The following FAT2 variants were observed in gnomAD, a reference collection of about 807,000 sequenced individuals.
FAT2 encodes the protein FAT atypical cadherin 2, also known as protocadherin Fat 2.
Under a neutral mutation model 295.3 loss-of-function variants are expected in FAT2, and 150 were observed. The ratio of observed to expected loss-of-function variants is 0.51; its 90% confidence interval spans 0.44 to 0.58. The LOEUF is 0.58. Among genes scored for constraint, FAT2 ranks in the 20% least tolerant of loss-of-function variants. The pLI is 0.00. For synonymous variants in FAT2, 2,026 were observed against 2,150.3 expected (o/e 0.94, Z 1.60); for missense variants, 4,868 against 5,442.7 (o/e 0.89, Z 3.32).
chr5:151,545,059 G>T lies in FAT2; in HGVS notation c.6068C>A (p.Thr2023Lys), dbSNP rs772910977. Residue 2023 changes from threonine to lysine, a missense_variant, in exon 10 of 24, where the codon ACA becomes AAA. Thr to Lys is a moderately conservative substitution (Grantham distance 78). Transcript: ENST00000261800. ...CTCCCGGTCAAACGCCACACCTCTT[G>T]TCTGCAACACACCTGCTGACTGGAC... ...HMVQSAGVLQ[T>K]RGVAFDREQQ... The T allele has an allele frequency of 3.1e-6, 5 of 1,614,032 alleles. No homozygotes were observed. The highest frequency in any genetic ancestry group is 1.7e-5 in the Admixed American group (1 of 59,988).
Position 151,522,082 on chromosome 5 carries a change from G to A in FAT2, c.10511C>T (p.Ser3504Leu), listed in dbSNP as rs371488085. Reference sequence around the variant, plus strand: ...CGAGAGGGGAGGGATGCCACTGTCTGACGCCTGTGGGCAAAACAAACACTG... The same window carrying A: ...CGAGAGGGGAGGGATGCCACTGTCTAACGCCTGTGGGCAAAACAAACACTG... ...QEWYQLQIQA[S>L]DSGIPPLSSL... Residue 3504 changes from serine to leucine, a missense_variant, in exon 19 of 24, where the codon TCA becomes TTA. Transcript: ENST00000261800. The A allele has an allele frequency of 6.3e-7, 1 of 1,582,764 alleles. No individual in the cohort carries two copies. Among genetic ancestry groups the A allele is most frequent in the African/African-American group, 1.3e-5 (1 of 74,424 alleles).
chr5:151,538,554 T>C (rs1055638890), intron 11 of FAT2, among the ~76,000 whole-genome samples: 2 of 152,216 alleles, frequency 1.3e-5, no homozygotes, highest in African/African-American at 4.8e-5. Flanking sequence ...TGGAGCTCCC[T>C]GAGAATTCAA....
intron 18 of FAT2, among the ~76,000 whole-genome samples, chr5:151,523,489 A>C (rs1219239762): frequency 6.6e-6 from 1 of 152,196 alleles, no homozygotes; most frequent in Non-Finnish European, 1.5e-5. Flanking sequence ...GCCTGAGCAG[A>C]ATCTGAATAC....
At chr5:151,559,510 CCCTT>C (rs1212186500) in intron 3 of FAT2, among the ~76,000 whole-genome samples, 2 of 151,954 alleles carry the variant, frequency 1.3e-5, no homozygotes, top group Non-Finnish European at 1.5e-5. Context: ...CTGGCTCCAT[CCCTT>C]CCTTTCCTCC....
chr5:151,531,304 G>A lies in FAT2; in HGVS notation c.9811+283C>T, dbSNP rs1330770344. On this transcript the variant is annotated intron_variant, in intron 14 of 23. Transcript: ENST00000261800. This position sits in a 1 kb window ranked among gnomAD's most constrained non-coding sequence, Gnocchi z 5.7. ...GGGCCTGAGCTGAGACCATGAAGCC[G>A]CTAACTGTGTGGGAGGAGAGTGGAT... 1.3e-5 allele frequency among the ~76,000 whole-genome samples: 2 copies of A among 152,196 alleles called. No individual in the cohort carries two copies. The highest frequency in any genetic ancestry group is 1.9e-4 in the East Asian group (1 of 5,192).
intron 1 of FAT2, among the ~76,000 whole-genome samples, chr5:151,590,816 C>T (rs1759369332): frequency 1.3e-5 from 2 of 152,240 alleles, no homozygotes; most frequent in Admixed American, 1.3e-4. Flanking sequence ...AAAGGCTCAT[C>T]TCCAGAAAGC....
At chr5:151,550,037 C>T (rs1405207747) in intron 8 of FAT2, among the ~76,000 whole-genome samples, 1 of 152,154 alleles carries the variant, frequency 6.6e-6, no homozygotes, top group Non-Finnish European at 1.5e-5. Flanking sequence ...GTGAGGAAGT[C>T]TGTCTTTCTC....
chr5:151,577,224 A>G (rs1541909), intron 1 of FAT2, among the ~76,000 whole-genome samples: 70,281 of 152,146 alleles, frequency 0.46, 16,324 homozygotes, highest in Middle Eastern at 0.5. Context: ...CTCAAAAGTC[A>G]TAGTATGACC....
At chr5:151,516,515 C>CAATA (rs1350310961) in intron 20 of FAT2, among the ~76,000 whole-genome samples, 10 of 152,024 alleles carry the variant, frequency 6.6e-5, no homozygotes, top group Admixed American at 2.6e-4. Context: ...GACTCTGTCT[C>CAATA]AATAAATAAA....
In FAT2 at chr5:151,566,412, T is replaced by C; in HGVS notation, c.2520A>G (p.Ala840=). The stretch of plus-strand genomic sequence containing the variant: ...AGTCAGCATCTTTGGTTGTCAGCTC[T>C]GCAATTGTGGTTCCAACTTCTGTGT... ...SEDTEVGTTI[A]ELTTKDADSE... The change falls in exon 2 of 24, where the codon GCA becomes GCG. Residue 840 remains alanine (A), a synonymous_variant. Coordinates refer to ENST00000261800, the MANE Select transcript of FAT2 (RefSeq NM_001447.3). The C allele has an allele frequency of 2.5e-6, 4 of 1,613,844 alleles. No homozygotes were observed. The highest frequency in any genetic ancestry group is 2.2e-5 in the South Asian group (2 of 91,022).
chr5:151,577,417 CA>C (rs1401160607), intron 1 of FAT2, among the ~76,000 whole-genome samples: 3 of 152,182 alleles, frequency 2.0e-5, no homozygotes, highest in Admixed American at 1.3e-4. Flanking sequence ...GAGCAGAGAA[CA>C]AGAGAGATGA....
At position 151,578,700 on chromosome 5, in the gene FAT2, G is replaced by A. The variant is rs565515075; in HGVS notation, c.-20-9749C>T. On this transcript the variant is annotated intron_variant, in intron 1 of 23. Coordinates refer to ENST00000261800, the MANE Select transcript of FAT2 (RefSeq NM_001447.3). ...TTACTGCATTATTCACAATAGCCAA[G>A]ATATGGAATTACCGTAAATGTCCAT... 3.9e-5 allele frequency among the ~76,000 whole-genome samples: 6 copies of A among 152,290 alleles called. No homozygotes were observed. The South Asian group carries it at 8.3e-4, about 21-fold the overall frequency.
Position 151,542,907 on chromosome 5 carries a change from G to T in FAT2, c.8220C>A (p.Phe2740Leu), listed in dbSNP as rs749135258. The T allele has an allele frequency of 1.6e-5, 26 of 1,614,078 alleles. 1 individual carries two copies. The Middle Eastern group carries it at 6.6e-4, about 41-fold the overall frequency. ...TTPESNKDGV[F>L]SLDPDTGVIK... ...TGACCCCTGTGTCTGGGTCTAGGGA[G>T]AAGACACCATCCTTGTTGCTCTCAG... The change falls in exon 10 of 24, where the codon TTC (phenylalanine) becomes TTA (leucine). Residue 2740 changes from phenylalanine (F) to leucine (L), a missense_variant. Coordinates refer to ENST00000261800, the MANE Select transcript of FAT2 (RefSeq NM_001447.3).
At chr5:151,527,466 A>T (rs2127586676) in intron 16 of FAT2, 89 bp from the exon 17 acceptor site, 1 of 1,348,886 alleles carries the variant, frequency 7.4e-7, no homozygotes. Flanking sequence ...TTCAAAAAAA[A>T]TAAGAAGGAG....
intron 1 of FAT2, among the ~76,000 whole-genome samples, chr5:151,583,186 C>T (rs1355937137): frequency 2.0e-5 from 3 of 152,136 alleles, no homozygotes; most frequent in African/African-American, 7.2e-5. Flanking sequence ...CATGACCCAG[C>T]GGTTCCACTC....
chr5:151,537,530 C>G (rs1402225451), intron 12 of FAT2, among the ~76,000 whole-genome samples: 1 of 152,140 alleles, frequency 6.6e-6, no homozygotes, highest in African/African-American at 2.4e-5. Context: ...ATCCCCTTAG[C>G]ATTCTGCACT....
chr5:151,549,546 A>G, intron 8 of FAT2, 41 bp from the exon 9 acceptor site: 1 of 1,581,282 alleles, frequency 6.3e-7, no homozygotes, highest in African/African-American at 1.3e-5. Context: ...CAGCAAATGG[A>G]ATAGGAGGAG....
intron 11 of FAT2, among the ~76,000 whole-genome samples, chr5:151,539,755 G>T (rs775880898): frequency 6.6e-6 from 1 of 152,226 alleles, no homozygotes; most frequent in African/African-American, 2.4e-5. Flanking sequence ...GACAGCAATT[G>T]TTGGTTTATG....
chr5:151,553,330 CAA>C lies in FAT2; in HGVS notation c.4001_4002del (p.Ile1334ArgfsTer16). 1 of 1,614,258 alleles carries C rather than the reference CAA, an allele frequency of 6.2e-7. No homozygotes were observed. Among genetic ancestry groups the C allele is most frequent in the Non-Finnish European group, 8.5e-7 (1 of 1,180,052 alleles). On this transcript the variant is annotated frameshift_variant, in exon 6 of 24. Coordinates refer to ENST00000261800, the MANE Select transcript of FAT2 (RefSeq NM_001447.3). LOFTEE classifies it high-confidence loss of function. ...GACGGCCGGGGCCAAGGGATCCACT[CAA>C]TGTGTAGCCGGACACTGGCTGAGAG... The part of the protein sequence containing the change: ...PPLSASVRLH[I>X]EWIPWPRPSS...
Sources: allele counts gnomAD v4.1 joint callset (sites outside exome capture counted in the v4.1 genomes callset), GRCh38; gene constraint gnomAD v4.1.1; non-coding constraint Gnocchi (gnomAD v3.1); transcripts MANE v1.5; gene names NCBI Gene and HGNC (gene_info 2026-07-23, HGNC 2026-07-21).